CPQ: variants seen among roughly 807,000 people sequenced by gnomAD.
CPQ encodes the protein carboxypeptidase Q.
Under a neutral mutation model 45.7 loss-of-function variants are expected in CPQ, and 37 were observed. The ratio of observed to expected loss-of-function variants is 0.81; its 90% CI spans 0.62 to 1.07. The LOEUF is 1.07. Among genes scored for constraint, CPQ ranks in the 50% least tolerant of loss-of-function variants. The probability of loss-of-function intolerance (pLI) is 0.00; values close to 1 mark genes in which losing one functional copy is unlikely to be tolerated. For missense variants in CPQ, 537 were observed against 572.9 expected (o/e 0.94, Z 0.64); for synonymous variants, 186 against 205.8 (o/e 0.90, Z 0.82).
chr8:96,914,423 G>T (rs1038111158), intron 4 of CPQ, among the ~76,000 whole-genome samples: 1 of 152,110 alleles, frequency 6.6e-6, no homozygotes, highest in Admixed American at 6.6e-5. Context: ...GCAAGTATTG[G>T]TGGTAGAAAA....
In CPQ at chr8:97,119,536, G is replaced by C. The variant is rs566675378; in HGVS notation, c.1256-23484G>C. 2.8e-3 allele frequency among the ~76,000 whole-genome samples: 426 copies of C among 151,940 alleles called. 6 individuals are homozygous for C. The highest frequency in any genetic ancestry group is 9.9e-3 in the African/African-American group (409 of 41,408). On this transcript the variant is annotated intron_variant, in intron 7 of 7. Coordinates refer to ENST00000220763, the MANE Select transcript of CPQ (RefSeq NM_016134.4). ...AGATAGATAAGAAAACAAAATCATT[G>C]ATCTCTTCTGGAGGAAAGATGATTT...
rs530852885 is a variant in CPQ at position 96,829,864 on chromosome 8, T to G, written c.434-5109T>G. The stretch of plus-strand genomic sequence containing the variant: ...CCTTAAGGATAGTACTGGAATTTCC[T>G]CATCTTCCTATTGTCCACATTGCCC... On this transcript the variant is annotated intron_variant, in intron 2 of 7. Coordinates refer to ENST00000220763, the MANE Select transcript of CPQ (RefSeq NM_016134.4). Among the ~76,000 whole-genome samples, 3 of 152,302 alleles carry G rather than the reference T, an allele frequency of 2.0e-5. 1 individual carries two copies. The South Asian group carries it at 6.2e-4, about 32-fold the overall frequency.
chr8:96,839,311 T>C (rs17728500), intron 3 of CPQ, among the ~76,000 whole-genome samples: 6,836 of 152,220 alleles, frequency 0.045, 192 homozygotes, highest in Middle Eastern at 0.1. Context: ...AGGTTCATTA[T>C]TGTTATTCTC....
At chr8:97,131,096 G>A (rs907998369) in intron 7 of CPQ, among the ~76,000 whole-genome samples, 1 of 152,158 alleles carries the variant, frequency 6.6e-6, no homozygotes, top group Non-Finnish European at 1.5e-5. Context: ...CATCTTCAAG[G>A]ATTATGGTTT....
chr8:96,826,067 A>G (rs1207707942), intron 2 of CPQ, among the ~76,000 whole-genome samples: 1 of 152,112 alleles, frequency 6.6e-6, no homozygotes, highest in Non-Finnish European at 1.5e-5. Flanking sequence ...TTTAGAAATG[A>G]CATTGGGTGG....
chr8:96,991,868 A>T (rs997172334), intron 5 of CPQ, among the ~76,000 whole-genome samples: 2 of 152,092 alleles, frequency 1.3e-5, no homozygotes, highest in African/African-American at 4.8e-5. Flanking sequence ...TTGGATTTCC[A>T]TTCCACTCTC....
chr8:96,685,114 C>A (rs28797609), intron 1 of CPQ, among the ~76,000 whole-genome samples: 3 of 144,646 alleles, frequency 2.1e-5, no homozygotes, highest in Admixed American at 1.4e-4. Flanking sequence ...CAAAAACAAA[C>A]AAACAACAAA....
At chr8:96,901,053 C>G (rs190066742) in intron 4 of CPQ, among the ~76,000 whole-genome samples, 1 of 152,228 alleles carries the variant, frequency 6.6e-6, no homozygotes, top group Admixed American at 6.5e-5. Context: ...ACTCTTTAGC[C>G]CAGGTTCTGG....
chr8:96,903,113 G>A (rs1812533777), intron 4 of CPQ, among the ~76,000 whole-genome samples: 1 of 152,222 alleles, frequency 6.6e-6, no homozygotes, highest in African/African-American at 2.4e-5. Flanking sequence ...GACCTGTTGC[G>A]TCCCTTTGTG....
intron 1 of CPQ, among the ~76,000 whole-genome samples, chr8:96,775,678 T>A (rs1442762613): frequency 6.6e-6 from 1 of 152,242 alleles, no homozygotes; most frequent in Admixed American, 6.5e-5. Flanking sequence ...TAGAGTTACA[T>A]TCAAGGCCAA....
At chr8:96,919,181 G>T (rs958003935) in intron 4 of CPQ, among the ~76,000 whole-genome samples, 1 of 151,972 alleles carries the variant, frequency 6.6e-6, no homozygotes, top group African/African-American at 2.4e-5. Flanking sequence ...AAAGAAAAGG[G>T]TGTGCCAAGT....
At chr8:96,911,102 A>G (rs1041008228) in intron 4 of CPQ, among the ~76,000 whole-genome samples, 49 of 152,282 alleles carry the variant, frequency 3.2e-4, no homozygotes, top group African/African-American at 1.0e-3. Flanking sequence ...CTTGAATTAT[A>G]TTAATATTTT....
chr8:97,131,728 T>A (rs113720120), intron 7 of CPQ, among the ~76,000 whole-genome samples: 97 of 152,292 alleles, frequency 6.4e-4, no homozygotes, highest in African/African-American at 2.0e-3. Context: ...TCACTATGAA[T>A]TTCTACTAGA....
At chr8:96,762,607 TA>T (rs745939927) in intron 1 of CPQ, among the ~76,000 whole-genome samples, 67 of 152,186 alleles carry the variant, frequency 4.4e-4, no homozygotes, top group Non-Finnish European at 9.3e-4. Flanking sequence ...AAGGAAATAG[TA>T]TCCAGGCTCT....
intron 4 of CPQ, among the ~76,000 whole-genome samples, chr8:96,965,280 T>C (rs1287904455): frequency 2.0e-5 from 3 of 152,138 alleles, no homozygotes; most frequent in Non-Finnish European, 4.4e-5. Context: ...ACGAATGTGG[T>C]TGAAGTTTCA....
At chr8:96,688,965 CATT>C (rs961336355) in intron 1 of CPQ, among the ~76,000 whole-genome samples, 1 of 152,144 alleles carries the variant, frequency 6.6e-6, no homozygotes, top group Non-Finnish European at 1.5e-5. Context: ...CTCTTAACCT[CATT>C]GTTGTTTCTT....
intron 2 of CPQ, among the ~76,000 whole-genome samples, chr8:96,820,897 T>C (rs1169224304): frequency 6.6e-6 from 1 of 151,932 alleles, no homozygotes; most frequent in African/African-American, 2.4e-5. Context: ...ATACTGTACA[T>C]TAGGCTGTAC....
chr8:97,045,170 C>T (rs1029433025), intron 6 of CPQ, among the ~76,000 whole-genome samples: 2 of 152,322 alleles, frequency 1.3e-5, no homozygotes, highest in East Asian at 3.9e-4. Context: ...GCTTTTTTTA[C>T]CTAAGCAAGC....
chr8:97,133,896 T>G (rs1448126406), intron 7 of CPQ, among the ~76,000 whole-genome samples: 1 of 152,202 alleles, frequency 6.6e-6, no homozygotes, highest in Non-Finnish European at 1.5e-5. Flanking sequence ...CCTTTTTGCT[T>G]TATTTTTAAG....
Sources: allele counts gnomAD v4.1 joint callset (sites outside exome capture counted in the v4.1 genomes callset), GRCh38; gene constraint gnomAD v4.1.1; transcripts MANE v1.5; gene names NCBI Gene and HGNC (gene_info 2026-07-23, HGNC 2026-07-21).